DSCAM: variants seen among roughly 807,000 people sequenced by gnomAD.
The protein encoded by DSCAM is DS cell adhesion molecule, also known as cell adhesion molecule DSCAM.
DSCAM carries 47 observed loss-of-function variants against 217.7 expected under a neutral mutation model. The ratio of observed to expected loss-of-function variants is 0.22; its 90% CI spans 0.17 to 0.28. The LOEUF (loss-of-function observed/expected upper bound fraction) is 0.28. Among genes scored for constraint, DSCAM ranks in the 10% least tolerant of loss-of-function variants. The pLI, the probability that DSCAM is intolerant of heterozygous loss-of-function variation, is 1.00. For missense variants in DSCAM, 2,080 were observed against 2,618.3 expected (o/e 0.79, Z 4.49); for synonymous variants, 1,056 against 1,015.3 (o/e 1.04, Z -0.76).
intron 3 of DSCAM, among the ~76,000 whole-genome samples, chr21:40,666,753 G>A (rs969602792): frequency 2.2e-4 from 34 of 152,188 alleles, no homozygotes; most frequent in African/African-American, 6.0e-4. Flanking sequence ...TGCGGTTAGC[G>A]CTAGACAACA....
intron 3 of DSCAM, among the ~76,000 whole-genome samples, chr21:40,663,465 C>T (rs1313320078): frequency 6.6e-6 from 1 of 152,124 alleles, no homozygotes; most frequent in Non-Finnish European, 1.5e-5. Flanking sequence ...GGACCACGTA[C>T]ATCTATAGAC....
At chr21:40,152,907 G>A (rs1387413771) in intron 16 of DSCAM, among the ~76,000 whole-genome samples, 1 of 152,242 alleles carries the variant, frequency 6.6e-6, no homozygotes, top group Non-Finnish European at 1.5e-5. Context: ...GCCTCTGCTG[G>A]ATGTGCAGAA....
intron 3 of DSCAM, among the ~76,000 whole-genome samples, chr21:40,516,567 C>T (rs986701327): frequency 1.4e-4 from 21 of 152,128 alleles, no homozygotes; most frequent in Non-Finnish European, 3.1e-4. Context: ...CACACAGAGC[C>T]TTGAGGAGCC....
At position 40,535,013 on chromosome 21, in the gene DSCAM, C is replaced by A. The variant is rs575548789; in HGVS notation, c.508+157797G>T. Among the ~76,000 whole-genome samples the A allele has an allele frequency of 4.6e-5, 7 of 152,100 alleles. No individual in the cohort carries two copies. The East Asian group carries it at 1.4e-3, about 30-fold the overall frequency. ...ACATACCTGGGTCTGACTTGGTTCC[C>A]CAAGAGGTGGTCACAGTTAAGACTG... On this transcript the variant is annotated intron_variant, in intron 3 of 32. Coordinates refer to ENST00000400454, the MANE Select transcript of DSCAM (RefSeq NM_001389.5).
chr21:40,314,626 C>T (rs907186861), intron 8 of DSCAM, among the ~76,000 whole-genome samples: 6 of 152,158 alleles, frequency 3.9e-5, no homozygotes, highest in African/African-American at 1.4e-4. Context: ...TACTAAATTG[C>T]TATGCTTTAT....
At chr21:40,401,690 C>G (rs924218209) in intron 3 of DSCAM, among the ~76,000 whole-genome samples, 1 of 152,124 alleles carries the variant, frequency 6.6e-6, no homozygotes, top group Non-Finnish European at 1.5e-5. Context: ...ATGGGATAAT[C>G]ATATGTTACA....
At chr21:40,491,770 A>G (rs1180492014) in intron 3 of DSCAM, among the ~76,000 whole-genome samples, 1 of 152,056 alleles carries the variant, frequency 6.6e-6, no homozygotes, top group Non-Finnish European at 1.5e-5. Flanking sequence ...CTTCCTCTAA[A>G]TACATTTCAC....
chr21:40,631,397 C>T (rs963802743), intron 3 of DSCAM, among the ~76,000 whole-genome samples: 1 of 152,226 alleles, frequency 6.6e-6, no homozygotes, highest in African/African-American at 2.4e-5. Flanking sequence ...CATCTTGCCT[C>T]ATTCAACCAC....
intron 3 of DSCAM, among the ~76,000 whole-genome samples, chr21:40,410,759 C>CAAAA (rs112357519): frequency 1.9e-3 from 269 of 142,574 alleles, no homozygotes; most frequent in South Asian, 0.016. Flanking sequence ...CTATACAGTA[C>CAAAA]AAAAAAAAAA....
intron 3 of DSCAM, among the ~76,000 whole-genome samples, chr21:40,645,995 A>G (rs528807370): frequency 6.6e-6 from 1 of 152,306 alleles, no homozygotes; most frequent in African/African-American, 2.4e-5. Context: ...ACTAAATGAA[A>G]AGATACCGTT....
At chr21:40,160,627 T>A (rs1005045709) in intron 16 of DSCAM, among the ~76,000 whole-genome samples, 14 of 152,182 alleles carry the variant, frequency 9.2e-5, no homozygotes, top group African/African-American at 3.4e-4. Context: ...AAATGTAATG[T>A]TGATGCACTA....
intron 11 of DSCAM, among the ~76,000 whole-genome samples, chr21:40,246,271 C>G (rs1041626690): frequency 2.1e-5 from 3 of 140,800 alleles, no homozygotes; most frequent in African/African-American, 7.9e-5. Flanking sequence ...AATCCCAGCA[C>G]TTTGGGAAGC....
chr21:40,327,853 G>A (rs1341576045), intron 8 of DSCAM, among the ~76,000 whole-genome samples: 1 of 152,028 alleles, frequency 6.6e-6, no homozygotes, highest in Non-Finnish European at 1.5e-5. Flanking sequence ...TACACTAATA[G>A]TGAACTATCT....
At chr21:40,713,515 G>A (rs1330808155) in intron 1 of DSCAM, among the ~76,000 whole-genome samples, 2 of 152,172 alleles carry the variant, frequency 1.3e-5, no homozygotes, top group African/African-American at 4.8e-5. Flanking sequence ...ACCTTAGAGT[G>A]CACATGGCAA....
At chr21:40,054,110 G>A (rs1211290210) in intron 29 of DSCAM, among the ~76,000 whole-genome samples, 2 of 152,170 alleles carry the variant, frequency 1.3e-5, no homozygotes, top group African/African-American at 4.8e-5. Flanking sequence ...GAAATTTTCA[G>A]TTTTAATGCC....
chr21:40,277,426 G>T (rs1357365633), intron 10 of DSCAM, among the ~76,000 whole-genome samples: 1 of 152,072 alleles, frequency 6.6e-6, no homozygotes, highest in Non-Finnish European at 1.5e-5. Context: ...AGCTCACAAT[G>T]GCAGAGACTG....
At chr21:40,478,007 G>A (rs866571910) in intron 3 of DSCAM, among the ~76,000 whole-genome samples, 3 of 152,024 alleles carry the variant, frequency 2.0e-5, no homozygotes, top group Middle Eastern at 3.2e-3. Context: ...CTTCTTTATA[G>A]TCATTACTCT....
chr21:40,126,102 A>C (rs770353681), intron 19 of DSCAM, among the ~76,000 whole-genome samples: 17 of 152,188 alleles, frequency 1.1e-4, no homozygotes, highest in Non-Finnish European at 2.1e-4. Context: ...AAACCAATGA[A>C]ATTCAAGTGC....
chr21:40,584,057 G>A (rs902574572), intron 3 of DSCAM, among the ~76,000 whole-genome samples: 2 of 152,082 alleles, frequency 1.3e-5, no homozygotes, highest in African/African-American at 4.8e-5. Context: ...AACCTGTAGG[G>A]GAAAACAATT....
Sources: allele counts gnomAD v4.1 joint callset (sites outside exome capture counted in the v4.1 genomes callset), GRCh38; gene constraint gnomAD v4.1.1; transcripts MANE v1.5; gene names NCBI Gene and HGNC (gene_info 2026-07-23, HGNC 2026-07-21).